Variants in TIMP2 observed in about 807,000 individuals in gnomAD.
TIMP2 encodes the protein TIMP metallopeptidase inhibitor 2, also known as metalloproteinase inhibitor 2.
In TIMP2, 5 loss-of-function variants were observed where a neutral mutation model predicts 24.3. The observed-to-expected ratio is 0.21, with a 90% CI of 0.11 to 0.43. The LOEUF (loss-of-function observed/expected upper bound fraction) is 0.43. Ranked by LOEUF, TIMP2 falls within the 20% of genes least tolerant of loss-of-function variation. The pLI is 1.00. For missense variants in TIMP2, 221 were observed against 297.5 expected, an observed-to-expected ratio of 0.74 and a Z score of 1.89; for synonymous variants, 130 against 123.2, an observed-to-expected ratio of 1.06 and a Z score of -0.37.
intron 1 of TIMP2, among the ~76,000 whole-genome samples, chr17:78,909,799 G>A (rs1020269249): frequency 6.6e-5 from 10 of 151,150 alleles, no homozygotes; most frequent in African/African-American, 1.7e-4. Flanking sequence ...TCCACCCCCC[G>A]CCCCCCACAA....
In TIMP2 at chr17:78,896,147, T is replaced by C. The variant is rs143192822; in HGVS notation, c.131-22228A>G. On this transcript the variant is annotated intron_variant, in intron 1 of 4. Coordinates refer to ENST00000262768, the MANE Select transcript of TIMP2 (RefSeq NM_003255.5). The surrounding 1 kb of genome is among the most constrained non-coding windows in gnomAD (Gnocchi z 4.4). ...TCTGACACCATCAGATGCAACCTCGTCCCCGCTACCCCAGCTCTCCTTGCT... is the reference window on the plus strand; with the variant it reads ...TCTGACACCATCAGATGCAACCTCGCCCCCGCTACCCCAGCTCTCCTTGCT... 8.6e-4 allele frequency among the ~76,000 whole-genome samples: 131 copies of C among 152,284 alleles called. No homozygotes were observed. The East Asian group carries it at 0.023, about 27-fold the overall frequency.
At chr17:78,884,430 G>T (rs1180049354) in intron 1 of TIMP2, among the ~76,000 whole-genome samples, 2 of 152,192 alleles carry the variant, frequency 1.3e-5, no homozygotes, top group Non-Finnish European at 2.9e-5. Flanking sequence ...AGGGTCATGT[G>T]GCCTGTGGGC....
At position 78,891,686 on chromosome 17, in the gene TIMP2, G is replaced by A; in HGVS notation, c.131-17767C>T. ...CAGTTGCCTCCTCCCCGCCCGAGCT[G>A]TTCCTTTCTCTTTTTCCTCCACAAG... On this transcript the variant is annotated intron_variant, in intron 1 of 4. Transcript: ENST00000262768. This position sits in a 1 kb window ranked among gnomAD's most constrained non-coding sequence, Gnocchi z 4.5. 1 of 1,551,106 alleles carries A rather than the reference G, an allele frequency of 6.4e-7. No homozygotes were observed. The highest frequency in any genetic ancestry group is 2.4e-5 in the East Asian group (1 of 40,906).
chr17:78,909,053 A>C (rs2070185041), intron 1 of TIMP2, among the ~76,000 whole-genome samples: 1 of 152,174 alleles, frequency 6.6e-6, no homozygotes, highest in South Asian at 2.1e-4. Flanking sequence ...CCTTTGCCCC[A>C]AAACAGTAGG....
chr17:78,896,284 TG>T lies in TIMP2; in HGVS notation c.131-22366del, dbSNP rs1418646472. 6.6e-6 allele frequency among the ~76,000 whole-genome samples: 1 copy of T among 152,226 alleles called. No homozygotes were observed. Among genetic ancestry groups the T allele is most frequent in the African/African-American group, 2.4e-5 (1 of 41,462 alleles). On this transcript the variant is annotated intron_variant, in intron 1 of 4. Transcript: ENST00000262768. The surrounding 1 kb of genome is among the most constrained non-coding windows in gnomAD (Gnocchi z 4.4). ...AACAGAGCCTTAGCTGAGCCCAAGA[TG>T]ACCAAGGAGAAACAGCCGTTCACCT...
rs77452188 is a variant in TIMP2 at position 78,882,638 on chromosome 17, G to A, written c.131-8719C>T. ...CAGGATGGGGCCGACCTCGCCAGCT[G>A]GAGCAGCAGAAGTGGCCACAAACGC... On this transcript the variant is annotated intron_variant, in intron 1 of 4. Transcript: ENST00000262768. 1.4e-3 allele frequency among the ~76,000 whole-genome samples: 215 copies of A among 152,358 alleles called. 3 individuals are homozygous for A. The East Asian group carries it at 0.038, about 27-fold the overall frequency.
chr17:78,859,905 T>A (rs2069554521), intron 3 of TIMP2, among the ~76,000 whole-genome samples: 1 of 152,028 alleles, frequency 6.6e-6, no homozygotes, highest in Admixed American at 6.6e-5. Context: ...GGCAGGAGAA[T>A]CGCTTGAACC....
chr17:78,890,515 C>A, intron 1 of TIMP2: 1 of 1,173,036 alleles, frequency 8.5e-7, no homozygotes, highest in South Asian at 1.6e-5. Context: ...CCCAGATTGC[C>A]CATTTTAAAG....
intron 1 of TIMP2, among the ~76,000 whole-genome samples, chr17:78,906,108 C>T (rs913302494): frequency 3.9e-5 from 6 of 152,208 alleles, no homozygotes; most frequent in East Asian, 1.9e-4. Context: ...CAGTGGCTCA[C>T]GCCTGTCATC....
Position 78,856,333 on chromosome 17 carries a change from A to T in TIMP2, c.466-469T>A, listed in dbSNP as rs182278121. On this transcript the variant is annotated intron_variant, in intron 4 of 4. Transcript: ENST00000262768. ...CACCACCGTGGAAAGAAAAAGGAAA[A>T]ACTTGCTTTTGATTTCATGCTGGGC... 18 of 170,092 alleles carry T rather than the reference A, an allele frequency of 1.1e-4. No homozygotes were observed. In the East Asian group the frequency reaches 2.6e-3, roughly 25 times the overall value. 10.5% of individuals were successfully genotyped at this position (170,092 alleles called of 1,614,324 possible).
intron 1 of TIMP2, among the ~76,000 whole-genome samples, chr17:78,915,755 G>A (rs1255362835): frequency 6.6e-6 from 1 of 152,080 alleles, no homozygotes; most frequent in East Asian, 1.9e-4. Flanking sequence ...CCCGACCTCA[G>A]GCGATCCACA....
rs2069676245 is a variant in TIMP2 at position 78,870,845 on chromosome 17, G to A, written c.340+53C>T. 4 of 1,523,468 alleles carry A rather than the reference G, an allele frequency of 2.6e-6. No individual in the cohort carries two copies. The African/African-American group carries it at 4.1e-5, about 16-fold the overall frequency. The allele number at this position is 1,523,468 out of a possible 1,614,324, so 94.4% of individuals were successfully genotyped here. A position where few individuals can be genotyped will look rare whatever the true frequency, so the allele number is the denominator to read the frequency against. ...GAAACGAGCCCTGGACCGCGTCTAG[G>A]AACAGCCCCACTTCTGTGCCAGCCT... On this transcript the variant is annotated intron_variant, in intron 3 of 4. Transcript: ENST00000262768.
At chr17:78,862,940 A>G (rs1163420104) in intron 3 of TIMP2, among the ~76,000 whole-genome samples, 1 of 152,124 alleles carries the variant, frequency 6.6e-6, no homozygotes, top group African/African-American at 2.4e-5. Context: ...TATACACCAC[A>G]TTTCTTTATC....
chr17:78,890,618 C>A, intron 1 of TIMP2: 1 of 1,544,704 alleles, frequency 6.5e-7, no homozygotes, highest in Non-Finnish European at 8.7e-7. Flanking sequence ...ATGTATTTAC[C>A]CCGGGTGGGC....
At chr17:78,906,597 T>G (rs1447088268) in intron 1 of TIMP2, among the ~76,000 whole-genome samples, 1 of 152,086 alleles carries the variant, frequency 6.6e-6, no homozygotes, top group Non-Finnish European at 1.5e-5. Context: ...TTATTATTTT[T>G]TTTGAGACAG....
chr17:78,889,246 G>A (rs924773581), intron 1 of TIMP2, among the ~76,000 whole-genome samples: 2 of 152,224 alleles, frequency 1.3e-5, no homozygotes, highest in African/African-American at 4.8e-5. Flanking sequence ...ATTGGCAGAA[G>A]AGAAGCTACC....
At chr17:78,867,011 A>AGCACTTT (rs1418595728) in intron 3 of TIMP2, among the ~76,000 whole-genome samples, 1 of 152,226 alleles carries the variant, frequency 6.6e-6, no homozygotes, top group African/African-American at 2.4e-5. Context: ...CTGTAATCCC[A>AGCACTTT]GCACTTTGGA....
chr17:78,918,204 A>G (rs917165408), intron 1 of TIMP2, among the ~76,000 whole-genome samples: 1 of 152,076 alleles, frequency 6.6e-6, no homozygotes, highest in African/African-American at 2.4e-5. Context: ...TTTTATAAAG[A>G]CTGTTCCTCA....
intron 1 of TIMP2, among the ~76,000 whole-genome samples, chr17:78,876,728 T>A (rs2069731440): frequency 1.3e-5 from 2 of 151,702 alleles, no homozygotes; most frequent in Admixed American, 1.3e-4. Flanking sequence ...GGTTTTAGCA[T>A]GTTGGCCAGG....
Sources: gnomAD v4.1 joint callset for allele counts (sites outside exome capture counted in the v4.1 genomes callset) on GRCh38, gnomAD v4.1.1 for gene constraint, Gnocchi (gnomAD v3.1) non-coding constraint, MANE v1.5 for transcripts, NCBI Gene and HGNC (gene_info 2026-07-23, HGNC 2026-07-21) for gene names.